The following PAN3 variants were observed in gnomAD, a reference collection of about 807,000 sequenced individuals.
PAN3 encodes the protein PAN2-PAN3 deadenylation complex subunit PAN3.
PAN3 carries 19 observed loss-of-function variants against 96.2 expected under a neutral mutation model. That is an observed-to-expected ratio of 0.20 (90% CI 0.14 to 0.29). The LOEUF is 0.29. Ranked by LOEUF, PAN3 falls within the 10% of genes least tolerant of loss-of-function variation. The pLI, the probability that PAN3 is intolerant of heterozygous loss-of-function variation, is 1.00. For missense variants in PAN3, 882 were observed against 1,108.1 expected (o/e 0.80, Z 2.90); for synonymous variants, 433 against 406.6 (o/e 1.06, Z -0.78).
Position 28,288,065 on chromosome 13 carries a change from G to A in PAN3, c.2466G>A (p.Val822=). Residue 822 remains valine, a synonymous_variant, in exon 18 of 19, where the codon GTG becomes GTA. Coordinates refer to ENST00000380958, the MANE Select transcript of PAN3 (RefSeq NM_175854.8). ...TTAGGGATCATCTTTTTCATCAGGT[G>A]ACAGAAGCAGGTGCTCCCTGGATTG... is the stretch of plus-strand genomic sequence containing the variant. ...KLFRDHLFHQ[V]TEAGAPWIDL... The A allele has an allele frequency of 5.6e-6, 9 of 1,613,716 alleles. No individual in the cohort carries two copies. The highest frequency in any genetic ancestry group is 7.6e-6 in the Non-Finnish European group (9 of 1,179,722).
chr13:28,249,014 C>A (rs1884466139), intron 6 of PAN3, among the ~76,000 whole-genome samples: 1 of 151,966 alleles, frequency 6.6e-6, no homozygotes, highest in African/African-American at 2.4e-5. Flanking sequence ...ATATTTTCTC[C>A]TATTTTGTGA....
At chr13:28,170,620 C>CT (rs1362905517) in intron 1 of PAN3, among the ~76,000 whole-genome samples, 1 of 152,096 alleles carries the variant, frequency 6.6e-6, no homozygotes, top group East Asian at 1.9e-4. Context: ...GAATTGTACT[C>CT]TATTTTGGAG....
intron 1 of PAN3, 137 bp downstream of exon 1, chr13:28,139,224 G>T: frequency 9.7e-7 from 1 of 1,031,168 alleles, no homozygotes. Context: ...AGAGGCCTAG[G>T]CCGGGCCTGA....
Position 28,215,706 on chromosome 13 carries a change from G to A in PAN3, c.853-4525G>A, listed in dbSNP as rs1169786105. On this transcript the variant is annotated intron_variant, in intron 5 of 18. Coordinates refer to ENST00000380958, the MANE Select transcript of PAN3 (RefSeq NM_175854.8). ...TAAATTCTTGAAGTCTGGTGATGCC[G>A]CCATTGTTGATATAGTTCCTGGCAA... is the stretch of plus-strand genomic sequence containing the variant. 20 of 1,489,646 alleles carry A rather than the reference G, an allele frequency of 1.3e-5. No homozygotes were observed. The African/African-American group carries it at 1.5e-4, about 11-fold the overall frequency. The allele number at this position is 1,489,646 out of a possible 1,614,324, so 92.3% of individuals were successfully genotyped here.
chr13:28,230,271 C>T (rs982505228), intron 6 of PAN3, among the ~76,000 whole-genome samples: 12 of 152,026 alleles, frequency 7.9e-5, no homozygotes, highest in Admixed American at 2.0e-4. Flanking sequence ...ATCTGGGAAA[C>T]GGATTCCTTC....
At chr13:28,191,642 C>G (rs995960483) in intron 4 of PAN3, among the ~76,000 whole-genome samples, 3 of 152,192 alleles carry the variant, frequency 2.0e-5, no homozygotes, top group African/African-American at 4.8e-5. Context: ...CTTTTACTCC[C>G]TCTTCCCCAA....
At chr13:28,211,507 A>G (rs1002203575) in intron 5 of PAN3, among the ~76,000 whole-genome samples, 5 of 152,188 alleles carry the variant, frequency 3.3e-5, no homozygotes, top group African/African-American at 9.7e-5. Flanking sequence ...AAGCACAACA[A>G]AACTTGAAAA....
chr13:28,226,221 A>G (rs1458667667), intron 6 of PAN3, among the ~76,000 whole-genome samples: 1 of 152,250 alleles, frequency 6.6e-6, no homozygotes, highest in African/African-American at 2.4e-5. Context: ...ACTAAGTGAT[A>G]TAATTATTAA....
At chr13:28,163,020 C>G (rs796543900) in intron 1 of PAN3, among the ~76,000 whole-genome samples, 55 of 152,078 alleles carry the variant, frequency 3.6e-4, no homozygotes, top group African/African-American at 1.3e-3. Context: ...CTGTGGGAGG[C>G]CAATGCAGGA....
At chr13:28,165,526 A>C (rs1383019833) in intron 1 of PAN3, among the ~76,000 whole-genome samples, 1 of 152,082 alleles carries the variant, frequency 6.6e-6, no homozygotes, top group Non-Finnish European at 1.5e-5. Context: ...GCAAGCTATA[A>C]TCTCTGAATC....
At chr13:28,167,784 C>T (rs1195312557) in intron 1 of PAN3, among the ~76,000 whole-genome samples, 5 of 151,976 alleles carry the variant, frequency 3.3e-5, no homozygotes, top group Admixed American at 3.3e-4. Context: ...TCCGAGGTTG[C>T]AGTGAGCTTA....
At chr13:28,257,687 T>TATAAATATATATTATATATAATATATATA (rs1885260782) in intron 7 of PAN3, among the ~76,000 whole-genome samples, 1 of 134,596 alleles carries the variant, frequency 7.4e-6, no homozygotes, top group Non-Finnish European at 1.6e-5. Context: ...TATTAAATTA[T>TATAAATATATATTATATATAATATATATA]ATAAATATAT....
At chr13:28,149,970 C>T (rs531626201) in intron 1 of PAN3, among the ~76,000 whole-genome samples, 3 of 152,272 alleles carry the variant, frequency 2.0e-5, no homozygotes, top group Admixed American at 1.3e-4. Flanking sequence ...ATATCAAATA[C>T]AGCAGTTATA....
Position 28,139,120 on chromosome 13 carries a change from G to C in PAN3, c.430+33G>C, listed in dbSNP as rs1869221028. On this transcript the variant is annotated intron_variant, in intron 1 of 18. Coordinates refer to ENST00000380958, the MANE Select transcript of PAN3 (RefSeq NM_175854.8). Reference sequence around the variant, plus strand: ...TTTTTCGGGCGGGGCGGGCCGCGGCGGCGGAGGGCAGGCCTGGGCCGGATG... The same window carrying C: ...TTTTTCGGGCGGGGCGGGCCGCGGCCGCGGAGGGCAGGCCTGGGCCGGATG... The C allele has an allele frequency of 8.6e-6, 11 of 1,278,776 alleles. No individual in the cohort carries two copies. The East Asian group carries it at 3.5e-4, about 40-fold the overall frequency. The allele number at this position is 1,278,776 out of a possible 1,614,324, so 79.2% of individuals were successfully genotyped here. A position where few individuals can be genotyped will look rare whatever the true frequency, so the allele number is the denominator to read the frequency against.
intron 4 of PAN3, among the ~76,000 whole-genome samples, chr13:28,188,011 GAC>G (rs1430434655): frequency 3.3e-5 from 5 of 152,158 alleles, no homozygotes; most frequent in Non-Finnish European, 7.3e-5. Flanking sequence ...TGATTTAAAT[GAC>G]ACTTTAAAAT....
intron 14 of PAN3, 69 bp downstream of exon 14, chr13:28,272,140 GTATTTCAGTGT>G: frequency 8.8e-7 from 1 of 1,136,318 alleles, no homozygotes; most frequent in African/African-American, 1.6e-5. Context: ...TCATTTTAAA[GTATTTCAGTGT>G]TTTAAGCCTA....
chr13:28,173,822 AT>A (rs1375383813), intron 1 of PAN3, among the ~76,000 whole-genome samples: 6 of 151,988 alleles, frequency 3.9e-5, no homozygotes, highest in African/African-American at 7.3e-5. Flanking sequence ...ACCTCTGCAG[AT>A]TTTTTTCCCC....
At chr13:28,194,627 A>G (rs914300665) in intron 4 of PAN3, among the ~76,000 whole-genome samples, 1 of 151,318 alleles carries the variant, frequency 6.6e-6, no homozygotes, top group African/African-American at 2.4e-5. Flanking sequence ...ACTGCTACAC[A>G]CGGCTAATTT....
chr13:28,156,460 C>T (rs141983083), intron 1 of PAN3, among the ~76,000 whole-genome samples: 20 of 152,222 alleles, frequency 1.3e-4, no homozygotes, highest in Middle Eastern at 3.4e-3. Context: ...GGATTCAAAG[C>T]TGAATTCTAC....
Sources: allele counts gnomAD v4.1 joint callset (sites outside exome capture counted in the v4.1 genomes callset), GRCh38; gene constraint gnomAD v4.1.1; transcripts MANE v1.5; gene names NCBI Gene and HGNC (gene_info 2026-07-23, HGNC 2026-07-21).